The following NTRK2 variants were observed in gnomAD, a reference collection of about 807,000 sequenced individuals.
NTRK2 encodes neurotrophic receptor tyrosine kinase 2, also known as BDNF/NT-3 growth factors receptor.
In NTRK2, 13 loss-of-function variants were observed where a neutral mutation model predicts 94.5. The ratio of observed to expected loss-of-function variants is 0.14; its 90% CI spans 0.09 to 0.22. The LOEUF (loss-of-function observed/expected upper bound fraction) is 0.22. Among genes scored for constraint, NTRK2 ranks in the 10% least tolerant of loss-of-function variants. The probability of loss-of-function intolerance (pLI) is 1.00; values close to 1 mark genes in which losing one functional copy is unlikely to be tolerated. For missense variants in NTRK2, 639 were observed against 1,071.2 expected (o/e 0.60, Z 5.63); for synonymous variants, 372 against 407.4 (o/e 0.91, Z 1.05).
chr9:84,688,808 A>G (rs999298298), intron 2 of NTRK2, among the ~76,000 whole-genome samples: 1 of 152,218 alleles, frequency 6.6e-6, no homozygotes, highest in Admixed American at 6.5e-5. Flanking sequence ...TTGAAAAATT[A>G]CTGAATATGT....
chr9:84,852,131 T>C (rs1224990183), intron 12 of NTRK2, among the ~76,000 whole-genome samples: 1 of 152,166 alleles, frequency 6.6e-6, no homozygotes, highest in Non-Finnish European at 1.5e-5. Context: ...CAAAAGCTCC[T>C]GGGAATTTGA....
At chr9:84,795,404 A>G (rs2069192955) in intron 12 of NTRK2, among the ~76,000 whole-genome samples, 2 of 152,116 alleles carry the variant, frequency 1.3e-5, no homozygotes, top group Admixed American at 6.6e-5. Flanking sequence ...GGACAGAGGA[A>G]CTATGGATGT....
chr9:84,672,976 CT>C (rs2058794279), intron 2 of NTRK2, among the ~76,000 whole-genome samples: 1 of 152,136 alleles, frequency 6.6e-6, no homozygotes. Flanking sequence ...TCTACTCTAA[CT>C]TTTTTCCCTT....
intron 17 of NTRK2, among the ~76,000 whole-genome samples, chr9:84,959,607 G>A (rs1208544993): frequency 6.6e-6 from 1 of 152,228 alleles, no homozygotes; most frequent in African/African-American, 2.4e-5. Flanking sequence ...CCCAATGAAG[G>A]GAGAAATCGG....
intron 14 of NTRK2, among the ~76,000 whole-genome samples, chr9:84,867,959 C>CA (rs1421452282): frequency 6.6e-6 from 1 of 152,188 alleles, no homozygotes; most frequent in African/African-American, 2.4e-5. Context: ...AGCAAAGAGA[C>CA]ATGGCAGCAG....
intron 15 of NTRK2, among the ~76,000 whole-genome samples, chr9:84,942,445 A>G (rs1261235857): frequency 1.3e-5 from 2 of 152,198 alleles, no homozygotes; most frequent in Non-Finnish European, 2.9e-5. Flanking sequence ...GTCTACCTTA[A>G]TTCTATCTCA....
intron 12 of NTRK2, among the ~76,000 whole-genome samples, chr9:84,760,245 A>G (rs957644076): frequency 6.6e-6 from 1 of 152,202 alleles, no homozygotes; most frequent in Non-Finnish European, 1.5e-5. Flanking sequence ...AGGGAATAAT[A>G]CTCATCTCTT....
chr9:84,681,797 A>C lies in NTRK2; in HGVS notation c.212+10837A>C, dbSNP rs76418612. On this transcript the variant is annotated intron_variant, in intron 2 of 18. Coordinates refer to ENST00000277120, the MANE Select transcript of NTRK2 (RefSeq NM_006180.6). ...CCTCTGGCTCCCAGTGTCTCTTAAA[A>C]TAATGCCTAAAGTTGTTTATTTTTG... is the stretch of plus-strand genomic sequence containing the variant. Among the ~76,000 whole-genome samples, 669 of 152,290 alleles carry C rather than the reference A, an allele frequency of 4.4e-3. 2 individuals carry two copies. The highest frequency in any genetic ancestry group is 0.015 in the African/African-American group (637 of 41,558).
chr9:84,806,831 T>G (rs2071176586), intron 12 of NTRK2, among the ~76,000 whole-genome samples: 1 of 152,258 alleles, frequency 6.6e-6, no homozygotes, highest in South Asian at 2.1e-4. Context: ...TTGAACCCAC[T>G]GTATTCTAGA....
At chr9:85,009,011 G>A (rs898637953) in intron 17 of NTRK2, among the ~76,000 whole-genome samples, 7 of 152,152 alleles carry the variant, frequency 4.6e-5, no homozygotes, top group African/African-American at 1.7e-4. Context: ...AGACTCTAAG[G>A]CAAGTGATTT....
chr9:84,811,086 A>G, intron 12 of NTRK2: 1 of 1,070,214 alleles, frequency 9.3e-7, no homozygotes, highest in Non-Finnish European at 1.1e-6. Context: ...ATCAGCACTG[A>G]ATTCAGAGGG....
intron 6 of NTRK2, among the ~76,000 whole-genome samples, chr9:84,715,307 T>C (rs2061646636): frequency 6.6e-6 from 1 of 152,172 alleles, no homozygotes; most frequent in Admixed American, 6.5e-5. Flanking sequence ...ATTTTTGAAA[T>C]TTTTATCTTG....
Position 84,900,906 on chromosome 9 carries a change from G to A in NTRK2, c.1634-33256G>A, listed in dbSNP as rs993592444. On this transcript the variant is annotated intron_variant, in intron 14 of 18. Transcript: ENST00000277120. ...ACTTTTTTTTCTTTGCAAGCATCAA[G>A]AAGCCACATATTGATCAAAAAACAA... Among the ~76,000 whole-genome samples, 6 of 151,984 alleles carry A rather than the reference G, an allele frequency of 3.9e-5. No individual in the cohort carries two copies. In the South Asian group the frequency reaches 1.2e-3, roughly 32 times the overall value.
intron 4 of NTRK2, among the ~76,000 whole-genome samples, chr9:84,706,522 T>G (rs538998207): frequency 2.8e-5 from 2 of 71,392 alleles, no homozygotes; most frequent in Admixed American, 3.3e-4. Flanking sequence ...TTATTTTTTG[T>G]TTTTGTTTTT....
rs1461870622 is a variant in NTRK2, at chr9:85,020,163, T to C, written c.2173-43T>C. Reference sequence around the variant, plus strand: ...CCAGCAGCTCCCTTCCACACCTGGTTTCGGGGTGACTGATGCCTCCCTGTT... The same window carrying C: ...CCAGCAGCTCCCTTCCACACCTGGTCTCGGGGTGACTGATGCCTCCCTGTT... On this transcript the variant is annotated intron_variant, in intron 17 of 18. Coordinates refer to ENST00000277120, the MANE Select transcript of NTRK2 (RefSeq NM_006180.6). 3.1e-6 allele frequency: 5 copies of C among 1,611,386 alleles called. No individual in the cohort carries two copies. In the Admixed American group the frequency reaches 5.0e-5, roughly 16 times the overall value.
At chr9:84,838,341 A>G (rs1325448105) in intron 12 of NTRK2, among the ~76,000 whole-genome samples, 1 of 152,190 alleles carries the variant, frequency 6.6e-6, no homozygotes, top group Non-Finnish European at 1.5e-5. Context: ...GTGCAGTAAT[A>G]CCAGAATAAT....
At chr9:84,894,560 T>C (rs2076703169) in intron 14 of NTRK2, among the ~76,000 whole-genome samples, 1 of 152,200 alleles carries the variant, frequency 6.6e-6, no homozygotes. Flanking sequence ...CTAAACTTCA[T>C]GCTGCTCAAG....
intron 14 of NTRK2, among the ~76,000 whole-genome samples, chr9:84,888,649 A>AAAAAAAAAG (rs2076494237): frequency 7.1e-6 from 1 of 141,090 alleles, no homozygotes; most frequent in African/African-American, 2.6e-5. Flanking sequence ...AAAAAAAAAA[A>AAAAAAAAAG]GTGGCAGAGA....
intron 6 of NTRK2, among the ~76,000 whole-genome samples, chr9:84,715,392 G>A (rs969810489): frequency 6.6e-6 from 1 of 151,880 alleles, no homozygotes; most frequent in African/African-American, 2.4e-5. Flanking sequence ...TGATAGATGG[G>A]GCTGGGAAGC....
Sources: allele counts gnomAD v4.1 joint callset (sites outside exome capture counted in the v4.1 genomes callset), GRCh38; gene constraint gnomAD v4.1.1; transcripts MANE v1.5; gene names NCBI Gene and HGNC (gene_info 2026-07-23, HGNC 2026-07-21).